The following CHN2 variants were observed in gnomAD, a reference collection of about 807,000 sequenced individuals.
The protein encoded by CHN2 is chimerin 2.
Under a neutral mutation model 56.3 loss-of-function variants are expected in CHN2, and 35 were observed. That is an observed-to-expected ratio of 0.62 (90% confidence interval 0.47 to 0.82). The LOEUF (loss-of-function observed/expected upper bound fraction) is 0.82. CHN2 is among the 40% of genes least tolerant of loss of function. CHN2 has a pLI of 0.00. For missense variants in CHN2, 491 were observed against 580.5 expected (o/e 0.85, Z 1.58); for synonymous variants, 210 against 212.8 (o/e 0.99, Z 0.12).
At chr7:29,267,704 G>C (rs1286011194) in intron 1 of CHN2, among the ~76,000 whole-genome samples, 2 of 152,186 alleles carry the variant, frequency 1.3e-5, no homozygotes, top group East Asian at 3.9e-4. Flanking sequence ...ATGTGTCCCT[G>C]TTGTGGGAAT....
chr7:29,305,327 C>G lies in CHN2; in HGVS notation c.50-49298C>G, dbSNP rs577461246. Among the ~76,000 whole-genome samples the G allele has an allele frequency of 1.3e-4, 20 of 152,204 alleles. No homozygotes were observed. In the South Asian group the frequency reaches 3.3e-3, roughly 25 times the overall value. The stretch of plus-strand genomic sequence containing the variant: ...CTTACTATGTCAGGCAACCCCATTA[C>G]GTATGAATAAAAGAAATGGCATGGA... On this transcript the variant is annotated intron_variant, in intron 1 of 12. Transcript: ENST00000222792.
At chr7:29,476,491 C>G (rs1235529227) in intron 6 of CHN2, among the ~76,000 whole-genome samples, 1 of 150,874 alleles carries the variant, frequency 6.6e-6, no homozygotes, top group African/African-American at 2.4e-5. Flanking sequence ...GAGCCGAGAT[C>G]GCGCCATTGC....
chr7:29,255,393 T>C (rs1349442950), intron 1 of CHN2, among the ~76,000 whole-genome samples: 2 of 152,070 alleles, frequency 1.3e-5, no homozygotes, highest in African/African-American at 4.8e-5. Context: ...TCTTGGGGCG[T>C]GGGAAGGAAT....
intron 1 of CHN2, among the ~76,000 whole-genome samples, chr7:29,202,245 TACCAACCTGGCC>T (rs1313505903): frequency 2.0e-5 from 3 of 152,208 alleles, no homozygotes; most frequent in Non-Finnish European, 4.4e-5. Flanking sequence ...AGAGATTTTC[TACCAACCTGGCC>T]ATCAGCAGCT....
chr7:29,456,800 C>A (rs1362806312), intron 6 of CHN2, among the ~76,000 whole-genome samples: 1 of 152,096 alleles, frequency 6.6e-6, no homozygotes, highest in African/African-American at 2.4e-5. Context: ...GCATTTAGGG[C>A]ACAGGGAGCG....
chr7:29,419,548 T>A (rs1177639322), intron 6 of CHN2, among the ~76,000 whole-genome samples: 1 of 152,134 alleles, frequency 6.6e-6, no homozygotes, highest in Non-Finnish European at 1.5e-5. Flanking sequence ...AAAAGGCAAC[T>A]TATGGAATGG....
At chr7:29,201,598 T>A (rs940483963) in intron 1 of CHN2, among the ~76,000 whole-genome samples, 1 of 152,262 alleles carries the variant, frequency 6.6e-6, no homozygotes, top group Non-Finnish European at 1.5e-5. Flanking sequence ...TGTTGTCCAG[T>A]ATGGTAACCA....
At position 29,513,613 on chromosome 7, in the gene CHN2, C is replaced by CACTT. The variant is rs1026785763; in HGVS notation, c.*881_*884dup. 3.3e-4 allele frequency: 39 copies of CACTT among 117,546 alleles called. No homozygotes were observed. Among genetic ancestry groups the CACTT allele is most frequent in the African/African-American group, 1.1e-3 (31 of 27,108 alleles). The allele number at this position is 117,546 out of a possible 1,614,324, so 7.3% of individuals were successfully genotyped here. Reference sequence around the variant, plus strand: ...GTATCTGGTCTGTGTAAAAAGTTAGCACTTACCCTCTTTTCTTCCTGGCCA... The same window carrying CACTT: ...GTATCTGGTCTGTGTAAAAAGTTAGCACTTACTTACCCTCTTTTCTTCCTGGCCA... On this transcript the variant is annotated 3_prime_UTR_variant, in exon 13 of 13. Coordinates refer to ENST00000222792, the MANE Select transcript of CHN2 (RefSeq NM_004067.4).
chr7:29,510,564 C>T (rs1194719452), intron 12 of CHN2, among the ~76,000 whole-genome samples: 1 of 152,190 alleles, frequency 6.6e-6, no homozygotes, highest in African/African-American at 2.4e-5. Flanking sequence ...ACTCCCTCAC[C>T]AGCAGTTTGC....
chr7:29,306,808 A>G (rs1002950562), intron 1 of CHN2, among the ~76,000 whole-genome samples: 1 of 152,248 alleles, frequency 6.6e-6, no homozygotes, highest in Non-Finnish European at 1.5e-5. Flanking sequence ...AGCAAACTTA[A>G]TCAGGCCAGC....
At chr7:29,346,727 G>A (rs12700955) in intron 1 of CHN2, among the ~76,000 whole-genome samples, 36,508 of 152,130 alleles carry the variant, frequency 0.24, 4,867 homozygotes, top group Non-Finnish European at 0.3. Flanking sequence ...GTGTTTTTCT[G>A]TGAGTCGAGT....
intron 2 of CHN2, among the ~76,000 whole-genome samples, chr7:29,186,288 T>C (rs1192128766): frequency 6.6e-6 from 1 of 152,070 alleles, no homozygotes; most frequent in African/African-American, 2.4e-5. Flanking sequence ...TAGGTTCAAA[T>C]TGAAAAACAT....
intron 1 of CHN2, among the ~76,000 whole-genome samples, chr7:29,330,157 T>TA: frequency 6.6e-6 from 1 of 152,368 alleles, no homozygotes; most frequent in Middle Eastern, 3.4e-3. Flanking sequence ...CTTATTGAAA[T>TA]AATGTGTTCC....
At chr7:29,405,490 C>T (rs1431798763) in intron 6 of CHN2, among the ~76,000 whole-genome samples, 1 of 152,170 alleles carries the variant, frequency 6.6e-6, no homozygotes, top group Non-Finnish European at 1.5e-5. Context: ...CAGCTGTGCC[C>T]TCTGGGACCC....
rs532259004 is a variant in CHN2 at position 29,323,157 on chromosome 7, C to A, written c.50-31468C>A. Among the ~76,000 whole-genome samples the A allele has an allele frequency of 4.0e-5, 6 of 150,768 alleles. No homozygotes were observed. In the East Asian group the frequency reaches 7.8e-4, roughly 20 times the overall value. Reference sequence around the variant, plus strand: ...CCAGAGAGTGAGAATCCGTCCCCCCCGTTCCCCCCCAACAAAAAAAGAAAG... The same window carrying A: ...CCAGAGAGTGAGAATCCGTCCCCCCAGTTCCCCCCCAACAAAAAAAGAAAG... On this transcript the variant is annotated intron_variant, in intron 1 of 12. Transcript: ENST00000222792.
intron 1 of CHN2, among the ~76,000 whole-genome samples, chr7:29,221,448 A>G (rs1439089470): frequency 6.6e-6 from 1 of 152,156 alleles, no homozygotes; most frequent in Admixed American, 6.5e-5. Flanking sequence ...CCTAGTAGTA[A>G]ATCTTTTTTT....
In CHN2 at chr7:29,507,321, C is replaced by G; in HGVS notation, c.1085C>G (p.Pro362Arg). ...LKLYFRDLPIPVITYDTYSKF... is the reference protein window; with the variant it reads ...LKLYFRDLPIRVITYDTYSKF... Reference sequence around the variant, plus strand: ...CTGTATTTCAGAGACTTACCCATCCCTGTCATCACATATGATACCTATTCC... The same window carrying G: ...CTGTATTTCAGAGACTTACCCATCCGTGTCATCACATATGATACCTATTCC... The change falls in exon 11 of 13, where the codon CCT (proline) becomes CGT (arginine). Residue 362 changes from proline (P) to arginine (R), a missense_variant. Physicochemically the swap from Pro to Arg is moderately radical, Grantham distance 103. Transcript: ENST00000222792. The G allele has an allele frequency of 6.2e-7, 1 of 1,613,012 alleles. No homozygotes were observed. The highest frequency in any genetic ancestry group is 8.5e-7 in the Non-Finnish European group (1 of 1,179,056).
At chr7:29,446,589 T>C (rs1157812932) in intron 6 of CHN2, among the ~76,000 whole-genome samples, 1 of 152,154 alleles carries the variant, frequency 6.6e-6, no homozygotes, top group Non-Finnish European at 1.5e-5. Flanking sequence ...TCTGAGTTGC[T>C]GTGGGTCCAG....
intron 2 of CHN2, among the ~76,000 whole-genome samples, chr7:29,181,863 G>C (rs775740070): frequency 7.2e-5 from 11 of 151,972 alleles, no homozygotes; most frequent in African/African-American, 2.7e-4. Context: ...ATTCCTAAGG[G>C]GGGGAAAAGT....
Sources: allele counts gnomAD v4.1 joint callset (sites outside exome capture counted in the v4.1 genomes callset), GRCh38; gene constraint gnomAD v4.1.1; transcripts MANE v1.5; gene names NCBI Gene and HGNC (gene_info 2026-07-23, HGNC 2026-07-21).